The following CMPK2 variants were observed in gnomAD, a reference collection of about 807,000 sequenced individuals.
The protein encoded by CMPK2 is UMP-CMP kinase 2, mitochondrial.
A neutral mutation model predicts 33.4 loss-of-function variants in CMPK2; 32 were observed. That is an observed-to-expected ratio of 0.96 (90% confidence interval 0.72 to 1.29). CMPK2 has a LOEUF of 1.29. Ranked by LOEUF, CMPK2 falls within the 50% of genes most tolerant of loss-of-function variation. The probability of loss-of-function intolerance (pLI) is 0.00; values close to 1 mark genes in which losing one functional copy is unlikely to be tolerated. For synonymous variants in CMPK2, 299 were observed against 275.3 expected (o/e 1.09, Z -0.85); for missense variants, 672 against 616.0 (o/e 1.09, Z -0.96).
In CMPK2 at chr2:6,865,308, C is replaced by A; in HGVS notation, c.389G>T (p.Gly130Val). The A allele has an allele frequency of 1.3e-6, 2 of 1,512,260 alleles. No homozygotes were observed. Among genetic ancestry groups the A allele is most frequent in the South Asian group, 2.4e-5 (2 of 81,938 alleles). The allele number at this position is 1,512,260 out of a possible 1,614,324, so 93.7% of individuals were successfully genotyped here. A position where few individuals can be genotyped will look rare whatever the true frequency, so the allele number is the denominator to read the frequency against. Residue 130 changes from glycine (G) to valine (V), a missense_variant, in exon 1 of 5, where the codon GGC becomes GTC. Coordinates refer to ENST00000256722, the MANE Select transcript of CMPK2 (RefSeq NM_207315.4). The stretch of plus-strand genomic sequence containing the variant: ...ATCCAGGGGGTCGCGCAGCAGGAAG[C>A]CTTGCTGTGCGCCGCCGGCCTGGCC... ...PGGQAGGAQQ[G>V]FLLRDPLDDP...
intron 1 of CMPK2, among the ~76,000 whole-genome samples, chr2:6,863,820 T>G (rs1396082505): frequency 6.6e-6 from 1 of 152,228 alleles, no homozygotes; most frequent in Non-Finnish European, 1.5e-5. Context: ...GCCTGCAGCC[T>G]TCACTGAGCA....
chr2:6,866,000 C>A, upstream of CMPK2: 1 of 663,962 alleles, frequency 1.5e-6, no homozygotes, highest in Non-Finnish European at 2.2e-6. Context: ...CAGGCGCCGG[C>A]TCCCGGGGCT....
Position 6,865,559 on chromosome 2 carries a change from G to A in CMPK2, c.138C>T (p.Ala46=), listed in dbSNP as rs1047745872. ...ELPDCTLAHF[A]LGADAPGDAD... is the part of the protein sequence containing the mutation. ...CGTCGCCGGGGGCGTCGGCGCCTAG[G>A]GCGAAGTGAGCCAGGGTGCAGTCGG... is the stretch of plus-strand genomic sequence containing the variant. Residue 46 remains alanine, a synonymous_variant, in exon 1 of 5, where the codon GCC becomes GCT. Coordinates refer to ENST00000256722, the MANE Select transcript of CMPK2 (RefSeq NM_207315.4). The A allele has an allele frequency of 6.7e-6, 9 of 1,343,280 alleles. No homozygotes were observed. Among genetic ancestry groups the A allele is most frequent in the Non-Finnish European group, 8.6e-6 (9 of 1,048,572 alleles). 83.2% of individuals were successfully genotyped at this position (1,343,280 alleles called of 1,614,324 possible). A position where few individuals can be genotyped will look rare whatever the true frequency, so the allele number is the denominator to read the frequency against.
intron 3 of CMPK2, among the ~76,000 whole-genome samples, chr2:6,855,082 C>A (rs140718520): frequency 1.2e-4 from 18 of 151,746 alleles, no homozygotes; most frequent in Non-Finnish European, 2.7e-4. Context: ...AAATCTCATG[C>A]CAAAGGGTAT....
chr2:6,842,142 C>T (rs1194002653), intron 3 of CMPK2, among the ~76,000 whole-genome samples: 2 of 152,094 alleles, frequency 1.3e-5, no homozygotes, highest in African/African-American at 4.8e-5. Context: ...GTAAAGACAG[C>T]CCAGTCTCAG....
downstream of CMPK2, among the ~76,000 whole-genome samples, chr2:6,845,314 A>G (rs1662332137): frequency 6.6e-6 from 1 of 152,222 alleles, no homozygotes. Flanking sequence ...AAGGAGTTCC[A>G]GTGATTCAGA....
chr2:6,858,943 C>T (rs1572140845), intron 3 of CMPK2, among the ~76,000 whole-genome samples: 1 of 152,150 alleles, frequency 6.6e-6, no homozygotes, highest in African/African-American at 2.4e-5. Flanking sequence ...GGTTGAACTC[C>T]CTAGAGATTT....
In CMPK2 at chr2:6,861,356, C is replaced by G. The variant is rs755589928; in HGVS notation, c.820G>C (p.Asp274His). ...GKTTVTQSVA[D>H]SLKAVLLKSP... Reference sequence around the variant, plus strand: ...TTTAAGAGGACAGCCTTAAGTGAATCTGCCACTGACTGGGTCACCGTGGTT... The same window carrying G: ...TTTAAGAGGACAGCCTTAAGTGAATGTGCCACTGACTGGGTCACCGTGGTT... The change falls in exon 3 of 5, where the codon GAT becomes CAT. Residue 274 changes from aspartate (D) to histidine (H), a missense_variant. By Grantham distance (81) the Asp-to-His change is moderately conservative. Coordinates refer to ENST00000256722, the MANE Select transcript of CMPK2 (RefSeq NM_207315.4). 1.2e-6 allele frequency: 2 copies of G among 1,614,202 alleles called. No homozygotes were observed. The highest frequency in any genetic ancestry group is 1.7e-6 in the Non-Finnish European group (2 of 1,180,024).
rs1662420782 is a variant in CMPK2, at chr2:6,848,610, T to A, written c.*1240A>T. The A allele has an allele frequency of 1.0e-6, 1 of 962,100 alleles. No individual in the cohort carries two copies. The highest frequency in any genetic ancestry group is 4.8e-5 in the South Asian group (1 of 20,800). 59.6% of individuals were successfully genotyped at this position (962,100 alleles called of 1,614,324 possible). ...AACTTTATTAGAATTTAAGATTCTATATGCAGACCTGATAAAGCCTTAAAT... is the reference window on the plus strand; with the variant it reads ...AACTTTATTAGAATTTAAGATTCTAAATGCAGACCTGATAAAGCCTTAAAT... On this transcript the variant is annotated 3_prime_UTR_variant, in exon 5 of 5. Transcript: ENST00000256722.
chr2:6,851,238 C>A, intron 4 of CMPK2: 1 of 1,369,820 alleles, frequency 7.3e-7, no homozygotes, highest in South Asian at 1.5e-5. Flanking sequence ...GGTCTGATCC[C>A]TAGTCCGATG....
intron 3 of CMPK2, 98 bp downstream of exon 3, chr2:6,861,086 G>GTA (rs1050121517): frequency 1.0e-4 from 97 of 963,894 alleles, no homozygotes; most frequent in Non-Finnish European, 1.5e-4. Flanking sequence ...GCATATACAT[G>GTA]TACGTATACA....
At chr2:6,851,040 C>T (rs1662506093) in intron 4 of CMPK2, 1 of 1,031,764 alleles carries the variant, frequency 9.7e-7, no homozygotes, top group South Asian at 3.6e-5. Flanking sequence ...TAATGTTTTC[C>T]TCACAAGGAT....
At chr2:6,851,389 A>T (rs1212405606) in intron 4 of CMPK2, 61 bp downstream of exon 4, 4 of 1,608,862 alleles carry the variant, frequency 2.5e-6, no homozygotes, top group Non-Finnish European at 1.7e-6. Context: ...AGCCAGTGCC[A>T]GTGGTTCATC....
chr2:6,852,270 C>T (rs1420285287), intron 3 of CMPK2, among the ~76,000 whole-genome samples: 8 of 152,162 alleles, frequency 5.3e-5, no homozygotes, highest in Non-Finnish European at 1.0e-4. Context: ...GCAAGTCAGT[C>T]GCTCCTTCTG....
At position 6,851,551 on chromosome 2, in the gene CMPK2, G is replaced by A; in HGVS notation, c.1125C>T (p.Leu375=). 6.2e-7 allele frequency: 1 copy of A among 1,614,200 alleles called. No individual in the cohort carries two copies. Among genetic ancestry groups the A allele is most frequent in the African/African-American group, 1.3e-5 (1 of 75,048 alleles). The change falls in exon 4 of 5, where the codon CTC becomes CTT. Residue 375 remains leucine, a synonymous_variant. Coordinates refer to ENST00000256722, the MANE Select transcript of CMPK2 (RefSeq NM_207315.4). ...DLLKPDLILL[L]TVSPEERLQR... ...GCAACCTCTCCTCAGGACTCACAGTGAGCAGCAGGATAAGGTCAGGTTTGA... is the reference window on the plus strand; with the variant it reads ...GCAACCTCTCCTCAGGACTCACAGTAAGCAGCAGGATAAGGTCAGGTTTGA...
downstream of CMPK2, among the ~76,000 whole-genome samples, chr2:6,846,607 T>C (rs527866813): frequency 6.6e-6 from 1 of 152,260 alleles, no homozygotes; most frequent in African/African-American, 2.4e-5. Flanking sequence ...GAAAATGCAA[T>C]AGGAAAAGAT....
chr2:6,851,951 C>A (rs961258942), intron 3 of CMPK2, among the ~76,000 whole-genome samples: 1 of 152,228 alleles, frequency 6.6e-6, no homozygotes, highest in African/African-American at 2.4e-5. Context: ...GGCCTCCCCT[C>A]TGTCATCACA....
intron 1 of CMPK2, 80 bp from the exon 2 acceptor site, chr2:6,863,658 T>C (rs1662953249): frequency 1.4e-5 from 14 of 987,106 alleles, no homozygotes; most frequent in Admixed American, 1.9e-5. Flanking sequence ...GAGCACAATA[T>C]TGCCGCATGC....
downstream of CMPK2, among the ~76,000 whole-genome samples, chr2:6,846,709 A>T (rs1036698650): frequency 2.0e-5 from 3 of 152,214 alleles, no homozygotes; most frequent in Admixed American, 6.5e-5. Flanking sequence ...AGCCCCAGCC[A>T]GAAACCTTCA....
Sources: allele counts gnomAD v4.1 joint callset (sites outside exome capture counted in the v4.1 genomes callset), GRCh38; gene constraint gnomAD v4.1.1; transcripts MANE v1.5; gene names NCBI Gene and HGNC (gene_info 2026-07-23, HGNC 2026-07-21).